The following TEAD1 variants were observed in gnomAD, a reference collection of about 807,000 sequenced individuals.
TEAD1 encodes TEA domain transcription factor 1.
TEAD1 carries 9 observed loss-of-function variants against 54.9 expected under a neutral mutation model. That is an observed-to-expected ratio of 0.16 (90% CI 0.10 to 0.29). The LOEUF (loss-of-function observed/expected upper bound fraction) is 0.29. TEAD1 is among the 10% of genes least tolerant of loss of function. TEAD1 has a pLI of 1.00. For missense variants in TEAD1, 387 were observed against 535.9 expected, an observed-to-expected ratio of 0.72 and a Z score of 2.74; for synonymous variants, 200 against 187.8, an observed-to-expected ratio of 1.07 and a Z score of -0.53.
chr11:12,912,108 G>C (rs2134143366), intron 10 of TEAD1, among the ~76,000 whole-genome samples: 1 of 152,224 alleles, frequency 6.6e-6, no homozygotes, highest in African/African-American at 2.4e-5. Context: ...ATTCGTAGGA[G>C]GAAAAGGAGA....
chr11:12,732,166 C>T (rs1944437269), intron 2 of TEAD1, among the ~76,000 whole-genome samples: 1 of 151,978 alleles, frequency 6.6e-6, no homozygotes, highest in African/African-American at 2.4e-5. Flanking sequence ...TCATTATATC[C>T]TTTGAGATAG....
At chr11:12,735,313 G>A (rs1343696983) in intron 2 of TEAD1, among the ~76,000 whole-genome samples, 3 of 151,826 alleles carry the variant, frequency 2.0e-5, no homozygotes, top group East Asian at 2.1e-4. Flanking sequence ...TCTGAGTCTC[G>A]TCTGAATAAG....
At chr11:12,692,734 G>T (rs1943488182) in intron 2 of TEAD1, among the ~76,000 whole-genome samples, 1 of 152,188 alleles carries the variant, frequency 6.6e-6, no homozygotes. Flanking sequence ...CCCTAACATA[G>T]TGGAGGCTTC....
At chr11:12,896,300 C>G (rs1948314489) in intron 9 of TEAD1, among the ~76,000 whole-genome samples, 1 of 152,158 alleles carries the variant, frequency 6.6e-6, no homozygotes, top group Admixed American at 6.5e-5. Flanking sequence ...GTCCTCAGCT[C>G]CACGGATCCA....
intron 10 of TEAD1, among the ~76,000 whole-genome samples, chr11:12,911,281 G>A (rs1313102583): frequency 2.0e-5 from 3 of 152,110 alleles, no homozygotes; most frequent in Non-Finnish European, 2.9e-5. Flanking sequence ...GAAACTGGGC[G>A]CACAATAACC....
intron 5 of TEAD1, 107 bp from the exon 6 acceptor site, chr11:12,879,601 A>ATT: frequency 6.9e-7 from 1 of 1,459,526 alleles, no homozygotes; most frequent in Non-Finnish European, 9.6e-7. Context: ...TTTTTGGCCT[A>ATT]TTTTGTGGCT....
At chr11:12,901,053 T>A (rs1406609787) in intron 9 of TEAD1, among the ~76,000 whole-genome samples, 2 of 152,190 alleles carry the variant, frequency 1.3e-5, no homozygotes, top group East Asian at 3.9e-4. Context: ...AAAATTATGA[T>A]GTTTGGCCTC....
intron 10 of TEAD1, among the ~76,000 whole-genome samples, chr11:12,917,972 T>G (rs1564989982): frequency 6.6e-6 from 1 of 152,256 alleles, no homozygotes; most frequent in Non-Finnish European, 1.5e-5. Context: ...CAACTGTTTC[T>G]TGGATTTTTG....
At chr11:12,799,134 CATTT>C (rs1474967641) in intron 3 of TEAD1, among the ~76,000 whole-genome samples, 1 of 152,172 alleles carries the variant, frequency 6.6e-6, no homozygotes, top group Non-Finnish European at 1.5e-5. Context: ...TGTTTATCAT[CATTT>C]GTTTGTTTAT....
At chr11:12,676,891 T>C (rs753624083) in intron 2 of TEAD1, among the ~76,000 whole-genome samples, 2 of 152,262 alleles carry the variant, frequency 1.3e-5, no homozygotes, top group Non-Finnish European at 2.9e-5. Context: ...TTACGGGTTC[T>C]TGCTGATGGT....
chr11:12,754,699 G>A (rs1259096085), intron 2 of TEAD1, among the ~76,000 whole-genome samples: 1 of 152,208 alleles, frequency 6.6e-6, no homozygotes, highest in Non-Finnish European at 1.5e-5. Context: ...AGCACTGAAT[G>A]TCAGGAGCTG....
intron 2 of TEAD1, among the ~76,000 whole-genome samples, chr11:12,680,416 A>G (rs1943194001): frequency 6.6e-6 from 1 of 152,200 alleles, no homozygotes; most frequent in Admixed American, 6.5e-5. Context: ...TCTGGCACTT[A>G]AGAACCGAAT....
chr11:12,834,092 G>A (rs16911654), intron 3 of TEAD1, among the ~76,000 whole-genome samples: 3,509 of 152,292 alleles, frequency 0.023, 155 homozygotes, highest in African/African-American at 0.079. Context: ...TAGATGTCAA[G>A]CAACCTGTAC....
chr11:12,917,166 G>A (rs1003506438), intron 10 of TEAD1, among the ~76,000 whole-genome samples: 11 of 152,148 alleles, frequency 7.2e-5, no homozygotes. Context: ...TAAAGCAGAA[G>A]AGGGAGACAA....
At chr11:12,791,026 C>T (rs73423673) in intron 3 of TEAD1, among the ~76,000 whole-genome samples, 5,461 of 152,302 alleles carry the variant, frequency 0.036, 333 homozygotes, top group African/African-American at 0.12. Flanking sequence ...CATATGTCCA[C>T]GCAAAGACTT....
At chr11:12,775,088 G>C (rs1181793539) in intron 3 of TEAD1, among the ~76,000 whole-genome samples, 1 of 152,182 alleles carries the variant, frequency 6.6e-6, no homozygotes, top group African/African-American at 2.4e-5. Flanking sequence ...GCCTGTTCAG[G>C]ACTTGTTGGA....
At chr11:12,867,272 A>G (rs1028703694) in intron 5 of TEAD1, among the ~76,000 whole-genome samples, 3 of 152,196 alleles carry the variant, frequency 2.0e-5, no homozygotes, top group Non-Finnish European at 4.4e-5. Context: ...CACTGTACCT[A>G]AACTGTCACC....
intron 2 of TEAD1, among the ~76,000 whole-genome samples, chr11:12,713,835 G>A (rs1285151283): frequency 6.6e-6 from 1 of 152,166 alleles, no homozygotes; most frequent in East Asian, 1.9e-4. Context: ...GCAAATGGCT[G>A]CAGCAGCTCC....
intron 9 of TEAD1, among the ~76,000 whole-genome samples, chr11:12,898,576 G>A (rs1275332090): frequency 6.6e-6 from 1 of 151,638 alleles, no homozygotes; most frequent in Non-Finnish European, 1.5e-5. Flanking sequence ...TGTATTTTTA[G>A]TAGAGATGGG....
Sources: allele counts gnomAD v4.1 joint callset (sites outside exome capture counted in the v4.1 genomes callset), GRCh38; gene constraint gnomAD v4.1.1; transcripts MANE v1.5; gene names NCBI Gene and HGNC (gene_info 2026-07-23, HGNC 2026-07-21).